The following WFDC10B variants were observed in gnomAD, a reference collection of about 807,000 sequenced individuals.
The protein encoded by WFDC10B is protein WFDC10B.
In WFDC10B, 1 loss-of-function variant was observed where a neutral mutation model predicts 2.7. The observed-to-expected ratio is 0.38, with a 90% CI of 0.13 to 1.79. The LOEUF (loss-of-function observed/expected upper bound fraction) is 1.79, where lower values mean the gene tolerates loss of function less well. Ranked by LOEUF, WFDC10B falls within the 40% of genes most tolerant of loss-of-function variation. WFDC10B has a pLI of 0.33. For missense variants in WFDC10B, 71 were observed against 87.8 expected, an observed-to-expected ratio of 0.81 and a Z score of 0.76; for synonymous variants, 26 against 32.2, an observed-to-expected ratio of 0.81 and a Z score of 0.65.
chr20:45,688,203 C>T (rs1195173507), intron 2 of WFDC10B, among the ~76,000 whole-genome samples: 1 of 151,936 alleles, frequency 6.6e-6, no homozygotes, highest in Non-Finnish European at 1.5e-5. Flanking sequence ...AGGACATGAA[C>T]TCATCATTTT....
chr20:45,691,339 G>T (rs1439190052), intron 2 of WFDC10B, among the ~76,000 whole-genome samples: 2,397 of 151,902 alleles, frequency 0.016, 53 homozygotes, highest in African/African-American at 0.054. Flanking sequence ...GAGTTCTGTA[G>T]ATGTCTATTA....
At chr20:45,685,358 A>C (rs1983572944) in intron 3 of WFDC10B, among the ~76,000 whole-genome samples, 1 of 152,004 alleles carries the variant, frequency 6.6e-6, no homozygotes, top group South Asian at 2.1e-4. Context: ...AAAGAAGATG[A>C]ACTTGCCTCT....
At chr20:45,701,351 A>AT (rs1984152369) in intron 2 of WFDC10B, among the ~76,000 whole-genome samples, 1 of 152,218 alleles carries the variant, frequency 6.6e-6, no homozygotes, top group African/African-American at 2.4e-5. Context: ...GTGAGGTCAA[A>AT]TAATTGTCAT....
At chr20:45,686,154 C>T (rs1983610402) in intron 2 of WFDC10B, 98 bp from the exon 3 acceptor site, 2 of 1,399,166 alleles carry the variant, frequency 1.4e-6, no homozygotes, top group African/African-American at 2.9e-5. Context: ...GCTTCCTGCC[C>T]TTGCCTTCTC....
At chr20:45,687,855 T>TTA (rs2145634600) in intron 2 of WFDC10B, among the ~76,000 whole-genome samples, 1 of 142,098 alleles carries the variant, frequency 7.0e-6, no homozygotes, top group South Asian at 2.3e-4. Context: ...TTGCTTGTCT[T>TTA]TTCTTTTATT....
At position 45,685,926 on chromosome 20, in the gene WFDC10B, A is replaced by G; in HGVS notation, c.67T>C (p.Tyr23His). Residue 23 changes from tyrosine to histidine, a missense_variant, in exon 3 of 4, where the codon TAC (tyrosine) becomes CAC (histidine). Transcript: ENST00000330523. ...CTCTGCATCCTCATCTTGTCACGGT[A>G]TCCTCCCTGGGCCTGCAGCAGCAGC... ...CVLLLQAQGG[Y>H]RDKMRMQRIK... 1 of 1,614,106 alleles carries G rather than the reference A, an allele frequency of 6.2e-7. No individual in the cohort carries two copies. The highest frequency in any genetic ancestry group is 8.5e-7 in the Non-Finnish European group (1 of 1,180,026).
chr20:45,694,163 T>C (rs1215357605), intron 2 of WFDC10B, among the ~76,000 whole-genome samples: 1 of 152,242 alleles, frequency 6.6e-6, no homozygotes, highest in Non-Finnish European at 1.5e-5. Flanking sequence ...ATTTTTGCTT[T>C]TGTTGCAATT....
At chr20:45,699,878 C>A (rs532100986) in intron 2 of WFDC10B, among the ~76,000 whole-genome samples, 101 of 152,274 alleles carry the variant, frequency 6.6e-4, no homozygotes, top group Middle Eastern at 3.4e-3. Context: ...GGGGTTTCAC[C>A]ATGTTGACCA....
chr20:45,689,707 G>C (rs1342761321), intron 2 of WFDC10B, among the ~76,000 whole-genome samples: 3 of 152,150 alleles, frequency 2.0e-5, no homozygotes, highest in Non-Finnish European at 4.4e-5. Flanking sequence ...CTGAGACTTT[G>C]CTGAAGTTGC....
chr20:45,687,780 C>T (rs1013570133), intron 2 of WFDC10B, among the ~76,000 whole-genome samples: 7 of 151,768 alleles, frequency 4.6e-5, no homozygotes, highest in East Asian at 3.9e-4. Context: ...TCATGTTTAT[C>T]GGCTGCATAT....
At chr20:45,698,966 TA>T (rs113263985) in intron 2 of WFDC10B, among the ~76,000 whole-genome samples, 91,713 of 122,280 alleles carry the variant, frequency 0.75, 32,235 homozygotes, top group Middle Eastern at 0.84. Flanking sequence ...AGAATCCATC[TA>T]AAAAAAAAAA....
intron 2 of WFDC10B, among the ~76,000 whole-genome samples, chr20:45,696,265 G>A (rs59196332): frequency 0.011 from 1,412 of 130,320 alleles, 25 homozygotes; most frequent in African/African-American, 0.038. Flanking sequence ...CAGCCTAGGC[G>A]ACAGAGCAAG....
intron 2 of WFDC10B, among the ~76,000 whole-genome samples, chr20:45,691,452 T>C (rs1329831656): frequency 2.7e-5 from 4 of 150,508 alleles, no homozygotes; most frequent in African/African-American, 9.8e-5. Context: ...AAGTCTCCCA[T>C]TATTAATGTG....
chr20:45,700,788 A>G (rs1984129382), intron 2 of WFDC10B, among the ~76,000 whole-genome samples: 1 of 152,190 alleles, frequency 6.6e-6, no homozygotes, highest in African/African-American at 2.4e-5. Flanking sequence ...CACTATCACC[A>G]CTTACATATG....
chr20:45,699,844 A>G (rs1056426991), intron 2 of WFDC10B, among the ~76,000 whole-genome samples: 1 of 151,974 alleles, frequency 6.6e-6, no homozygotes, highest in African/African-American at 2.4e-5. Context: ...ACGCCCATCT[A>G]ATTTTTGTAT....
chr20:45,693,258 A>G (rs868329932), intron 2 of WFDC10B, among the ~76,000 whole-genome samples: 50 of 152,298 alleles, frequency 3.3e-4, no homozygotes, highest in African/African-American at 1.2e-3. Flanking sequence ...CCTCCCAGTT[A>G]GGCTGCTCAG....
chr20:45,690,849 G>A (rs1208579375), intron 2 of WFDC10B, among the ~76,000 whole-genome samples: 3 of 151,928 alleles, frequency 2.0e-5, no homozygotes, highest in East Asian at 1.9e-4. Flanking sequence ...GTTCTGCTCC[G>A]ATTTTAGTTA....
At chr20:45,688,208 C>T (rs1334803543) in intron 2 of WFDC10B, among the ~76,000 whole-genome samples, 1 of 151,996 alleles carries the variant, frequency 6.6e-6, no homozygotes, top group African/African-American at 2.4e-5. Flanking sequence ...ATGAACTCAT[C>T]ATTTTTTATG....
At chr20:45,690,267 T>C (rs1189059526) in intron 2 of WFDC10B, among the ~76,000 whole-genome samples, 1 of 150,464 alleles carries the variant, frequency 6.6e-6, no homozygotes, top group Non-Finnish European at 1.5e-5. Flanking sequence ...GATTTTTGCA[T>C]CAATGTTCAT....
Sources: gnomAD v4.1 joint callset for allele counts (sites outside exome capture counted in the v4.1 genomes callset) on GRCh38, gnomAD v4.1.1 for gene constraint, MANE v1.5 for transcripts, NCBI Gene and HGNC (gene_info 2026-07-23, HGNC 2026-07-21) for gene names.